Variants in CHRM3 observed in about 807,000 individuals in gnomAD.
CHRM3 encodes muscarinic acetylcholine receptor M3.
CHRM3 carries 11 observed loss-of-function variants against 41.8 expected under a neutral mutation model. That is an observed-to-expected ratio of 0.26 (90% CI 0.17 to 0.44). The LOEUF (loss-of-function observed/expected upper bound fraction) is 0.44, where lower values mean the gene tolerates loss of function less well. Among genes scored for constraint, CHRM3 ranks in the 20% least tolerant of loss-of-function variants. The pLI, the probability that CHRM3 is intolerant of heterozygous loss-of-function variation, is 1.00. For missense variants in CHRM3, 571 were observed against 745.4 expected (o/e 0.77, Z 2.72); for synonymous variants, 297 against 301.4 (o/e 0.99, Z 0.15).
chr1:239,787,491 A>C (rs996723118), intron 5 of CHRM3, among the ~76,000 whole-genome samples: 9 of 152,164 alleles, frequency 5.9e-5, no homozygotes, highest in African/African-American at 2.2e-4. Context: ...AAGAACTCCC[A>C]GTGGCAGGAA....
At chr1:239,524,599 A>G (rs1669869740) in intron 2 of CHRM3, among the ~76,000 whole-genome samples, 1 of 152,252 alleles carries the variant, frequency 6.6e-6, no homozygotes, top group African/African-American at 2.4e-5. Context: ...AACTGAATTT[A>G]TAACCTGAGC....
At chr1:239,482,259 G>C (rs1300103394) in intron 1 of CHRM3, among the ~76,000 whole-genome samples, 1 of 152,016 alleles carries the variant, frequency 6.6e-6, no homozygotes, top group Non-Finnish European at 1.5e-5. Flanking sequence ...ACACACTTCT[G>C]TTGAATATAT....
At chr1:239,846,213 A>G (rs1005769886) in intron 6 of CHRM3, among the ~76,000 whole-genome samples, 4 of 152,156 alleles carry the variant, frequency 2.6e-5, no homozygotes, top group African/African-American at 7.2e-5. Flanking sequence ...GGTAGCATCA[A>G]TGTCATTTTT....
chr1:239,757,548 T>A (rs1306157215), intron 5 of CHRM3, among the ~76,000 whole-genome samples: 3 of 150,954 alleles, frequency 2.0e-5, no homozygotes, highest in Non-Finnish European at 2.9e-5. Context: ...GAGAATGGCG[T>A]GAACCCGGGA....
intron 1 of CHRM3, among the ~76,000 whole-genome samples, chr1:239,420,160 T>C (rs1661835922): frequency 6.6e-6 from 1 of 152,156 alleles, no homozygotes; most frequent in Non-Finnish European, 1.5e-5. Flanking sequence ...TTGAACCCCA[T>C]CTGGTTTAGT....
intron 4 of CHRM3, among the ~76,000 whole-genome samples, chr1:239,636,522 G>A (rs1050099066): frequency 3.9e-5 from 6 of 152,134 alleles, no homozygotes; most frequent in South Asian, 2.1e-4. Flanking sequence ...ATATAGCCTC[G>A]TGGTTACATT....
At chr1:239,631,335 C>A (rs1307063629) in intron 3 of CHRM3, among the ~76,000 whole-genome samples, 1 of 152,140 alleles carries the variant, frequency 6.6e-6, no homozygotes. Flanking sequence ...AGAAAAATCC[C>A]TCCACATGCA....
At chr1:239,404,416 AAGAAAGAAAGAAAGAAAG>A (rs1558195818) in intron 1 of CHRM3, among the ~76,000 whole-genome samples, 24 of 78,458 alleles carry the variant, frequency 3.1e-4, no homozygotes, top group South Asian at 9.5e-4. Context: ...AAGAAAAAGA[AAGAAAGAAAGAAAGAAAG>A]AAAGAAAGAA....
At chr1:239,851,709 G>A (rs1674708407) in intron 6 of CHRM3, among the ~76,000 whole-genome samples, 1 of 152,110 alleles carries the variant, frequency 6.6e-6, no homozygotes, top group South Asian at 2.1e-4. Context: ...TCTCAGCAGT[G>A]GCCTAGAACT....
chr1:239,679,654 T>G (rs1571958700), intron 5 of CHRM3, among the ~76,000 whole-genome samples: 1 of 152,246 alleles, frequency 6.6e-6, no homozygotes, highest in East Asian at 1.9e-4. Context: ...GAGATTAATG[T>G]CCCTGATTTA....
rs577051931 is a variant in CHRM3, at chr1:239,394,025, A to C, written c.-521+6798A>C. Among the ~76,000 whole-genome samples, 10 of 152,296 alleles carry C rather than the reference A, an allele frequency of 6.6e-5. No homozygotes were observed. The South Asian group carries it at 2.1e-3, about 32-fold the overall frequency. ...ACATCTTTCATATCAGTATCATCTA[A>C]TGTGCAAAGTACCATGGACATTCTG... On this transcript the variant is annotated intron_variant, in intron 1 of 6. Transcript: ENST00000676153.
chr1:239,659,213 A>G (rs558152810), intron 4 of CHRM3, among the ~76,000 whole-genome samples: 2 of 152,236 alleles, frequency 1.3e-5, no homozygotes, highest in Non-Finnish European at 2.9e-5. Flanking sequence ...CTGGGGAGAA[A>G]GAAATTTTTC....
At chr1:239,771,891 A>G (rs1667705643) in intron 5 of CHRM3, among the ~76,000 whole-genome samples, 1 of 152,250 alleles carries the variant, frequency 6.6e-6, no homozygotes, top group Non-Finnish European at 1.5e-5. Flanking sequence ...GGATATCCAC[A>G]GTATATTCTT....
intron 5 of CHRM3, among the ~76,000 whole-genome samples, chr1:239,755,804 C>T (rs904055698): frequency 6.6e-6 from 1 of 152,110 alleles, no homozygotes; most frequent in African/African-American, 2.4e-5. Flanking sequence ...TTACAAGCTT[C>T]CTCTCAAATT....
At chr1:239,820,252 A>G (rs1671929348) in intron 5 of CHRM3, among the ~76,000 whole-genome samples, 1 of 152,180 alleles carries the variant, frequency 6.6e-6, no homozygotes, top group African/African-American at 2.4e-5. Flanking sequence ...ACGCTTATAC[A>G]TACTACTTCT....
intron 3 of CHRM3, among the ~76,000 whole-genome samples, chr1:239,560,981 C>A (rs1264064086): frequency 6.6e-6 from 1 of 152,146 alleles, no homozygotes; most frequent in Non-Finnish European, 1.5e-5. Context: ...TTCCTCCTTT[C>A]TTCATTCCCC....
rs200289455 is a variant in CHRM3, at chr1:239,909,067, T to C, written c.1616T>C (p.Val539Ala). The C allele has an allele frequency of 3.1e-6, 5 of 1,614,068 alleles. No homozygotes were observed. Among genetic ancestry groups the C allele is most frequent in the Non-Finnish European group, 4.2e-6 (5 of 1,180,050 alleles). Residue 539 changes from valine (V) to alanine (A), a missense_variant, in exon 7 of 7, where the codon GTG becomes GCG. Coordinates refer to ENST00000676153, the MANE Select transcript of CHRM3 (RefSeq NM_001375978.1). ...TGGCTGTGCTACATCAACAGCACCG[T>C]GAACCCCGTGTGCTATGCTCTGTGC... ...GYWLCYINSTVNPVCYALCNK... is the reference protein window; with the variant it reads ...GYWLCYINSTANPVCYALCNK...
At chr1:239,740,385 T>A (rs1274725049) in intron 5 of CHRM3, among the ~76,000 whole-genome samples, 1 of 151,990 alleles carries the variant, frequency 6.6e-6, no homozygotes, top group East Asian at 1.9e-4. Flanking sequence ...AAGCTGGAAA[T>A]CTGAAATTTT....
intron 1 of CHRM3, among the ~76,000 whole-genome samples, chr1:239,428,544 C>T (rs967898926): frequency 1.3e-5 from 2 of 152,174 alleles, no homozygotes; most frequent in African/African-American, 4.8e-5. Context: ...GCACACATTC[C>T]ATACATGTTT....
Sources: gnomAD v4.1 joint callset for allele counts (sites outside exome capture counted in the v4.1 genomes callset) on GRCh38, gnomAD v4.1.1 for gene constraint, MANE v1.5 for transcripts, NCBI Gene and HGNC (gene_info 2026-07-23, HGNC 2026-07-21) for gene names.